Variants in CTNNA3 observed in about 807,000 individuals in gnomAD.
CTNNA3 encodes the protein catenin alpha 3, also known as catenin alpha-3.
In CTNNA3, 76 loss-of-function variants were observed where a neutral mutation model predicts 95.7. The observed-to-expected ratio is 0.79, with a 90% CI of 0.66 to 0.96. The LOEUF (loss-of-function observed/expected upper bound fraction) is 0.96. Ranked by LOEUF, CTNNA3 falls within the 40% of genes least tolerant of loss-of-function variation. The pLI is 0.00. For synonymous variants in CTNNA3, 431 were observed against 374.4 expected (o/e 1.15, Z -1.74); for missense variants, 1,191 against 1,089.8 (o/e 1.09, Z -1.31).
intron 11 of CTNNA3, among the ~76,000 whole-genome samples, chr10:66,508,287 G>T (rs770950896): frequency 1.3e-5 from 2 of 149,208 alleles, no homozygotes; most frequent in Admixed American, 6.7e-5. Context: ...CAGCCTGCAC[G>T]GTAGAGTGAG....
chr10:66,950,405 T>C (rs1187012334), intron 7 of CTNNA3, among the ~76,000 whole-genome samples: 2 of 152,096 alleles, frequency 1.3e-5, no homozygotes, highest in African/African-American at 4.8e-5. Context: ...TTTTGAGATA[T>C]ACTATATGTT....
intron 9 of CTNNA3, among the ~76,000 whole-genome samples, chr10:66,733,363 T>C: frequency 6.6e-6 from 1 of 152,168 alleles, no homozygotes; most frequent in South Asian, 2.1e-4. Context: ...TGGAAGCATA[T>C]TCCTTAATTT....
At chr10:67,301,647 AT>A (rs56799346) in intron 5 of CTNNA3, among the ~76,000 whole-genome samples, 1 of 152,166 alleles carries the variant, frequency 6.6e-6, no homozygotes, top group African/African-American at 2.4e-5. Context: ...ATATATATAT[AT>A]AAGGAATGCA....
chr10:67,560,868 A>G (rs1443642844), intron 3 of CTNNA3, among the ~76,000 whole-genome samples: 1 of 152,158 alleles, frequency 6.6e-6, no homozygotes, highest in East Asian at 1.9e-4. Flanking sequence ...CTTTAAATGA[A>G]AAAAGATCAA....
At chr10:67,531,174 A>C (rs1840313702) in intron 4 of CTNNA3, among the ~76,000 whole-genome samples, 1 of 152,174 alleles carries the variant, frequency 6.6e-6, no homozygotes, top group South Asian at 2.1e-4. Context: ...CAGAGTACCT[A>C]CTGGGGCACC....
chr10:67,638,105 C>T (rs370568630), intron 2 of CTNNA3, among the ~76,000 whole-genome samples: 11 of 151,606 alleles, frequency 7.3e-5, no homozygotes, highest in African/African-American at 2.4e-4. Context: ...CAGTGTGCTG[C>T]ATTCAGGAAA....
intron 13 of CTNNA3, among the ~76,000 whole-genome samples, chr10:66,109,893 G>T (rs1451286078): frequency 6.7e-6 from 1 of 150,150 alleles, no homozygotes; most frequent in African/African-American, 2.4e-5. Context: ...AAACTTGCTT[G>T]CAGCCTTTTT....
At chr10:67,476,102 C>T (rs897456539) in intron 5 of CTNNA3, among the ~76,000 whole-genome samples, 6 of 152,186 alleles carry the variant, frequency 3.9e-5, no homozygotes, top group African/African-American at 1.4e-4. Flanking sequence ...ATTTGCTACA[C>T]AAAGTTCATT....
chr10:66,321,630 T>G (rs2092187268), intron 12 of CTNNA3, among the ~76,000 whole-genome samples: 1 of 152,138 alleles, frequency 6.6e-6, no homozygotes, highest in Admixed American at 6.5e-5. Context: ...GGTAACTACT[T>G]AAATGCCAAG....
At chr10:66,350,126 G>A (rs1294598660) in intron 12 of CTNNA3, among the ~76,000 whole-genome samples, 23 of 152,090 alleles carry the variant, frequency 1.5e-4, no homozygotes, top group Non-Finnish European at 1.0e-4. Context: ...CATAAATTGG[G>A]TACTTTGTTG....
In CTNNA3 at chr10:66,943,519, CTT is replaced by C. The variant is rs34477836; in HGVS notation, c.1048-167997_1048-167996del. On this transcript the variant is annotated intron_variant, in intron 7 of 17. Transcript: ENST00000433211. ...TGATCCCAAATCCAATTCCCCCACC[CTT>C]TTTTTTTTTTTCAGTATTAGCATTG... Among the ~76,000 whole-genome samples, 302 of 141,396 alleles carry C rather than the reference CTT, an allele frequency of 2.1e-3. 1 individual carries two copies. The highest frequency in any genetic ancestry group is 7.3e-3 in the Middle Eastern group (2 of 274). 92.8% of individuals were successfully genotyped at this position (141,396 alleles called of 152,430 possible). A position where few individuals can be genotyped will look rare whatever the true frequency, so the allele number is the denominator to read the frequency against.
intron 1 of CTNNA3, among the ~76,000 whole-genome samples, chr10:67,721,359 T>G (rs1841178816): frequency 6.6e-6 from 1 of 152,124 alleles, no homozygotes; most frequent in Admixed American, 6.6e-5. Flanking sequence ...TCATTCCTTT[T>G]CATTTTTTTT....
In CTNNA3 at chr10:66,175,716, C is replaced by A. The variant is rs924165745; in HGVS notation, c.1885-72467G>T. Among the ~76,000 whole-genome samples the A allele has an allele frequency of 5.3e-5, 8 of 152,264 alleles. No individual in the cohort carries two copies. In the East Asian group the frequency reaches 1.5e-3, roughly 29 times the overall value. ...AGCTAATCTTTCTGCAGATTAATTTCCCTTCCAGGTGCTGGCCTTTAGACT... is the reference window on the plus strand; with the variant it reads ...AGCTAATCTTTCTGCAGATTAATTTACCTTCCAGGTGCTGGCCTTTAGACT... On this transcript the variant is annotated intron_variant, in intron 13 of 17. Transcript: ENST00000433211.
intron 10 of CTNNA3, among the ~76,000 whole-genome samples, chr10:66,620,483 A>G (rs1349281837): frequency 6.6e-6 from 1 of 152,222 alleles, no homozygotes; most frequent in African/African-American, 2.4e-5. Flanking sequence ...ATTAAAACCA[A>G]TGAGAGATAC....
upstream of CTNNA3, among the ~76,000 whole-genome samples, chr10:67,700,404 G>A (rs188342274): frequency 5.2e-3 from 788 of 152,252 alleles, 11 homozygotes; most frequent in African/African-American, 0.018. Flanking sequence ...CACCTCACAC[G>A]GCCAGGTACT....
intron 12 of CTNNA3, among the ~76,000 whole-genome samples, chr10:66,356,256 A>G (rs1239299789): frequency 6.6e-6 from 1 of 151,684 alleles, no homozygotes; most frequent in East Asian, 1.9e-4. Context: ...TGGTATTGTA[A>G]CAAGTTTATA....
chr10:67,751,042 TC>T, intron 1 of CTNNA3: 2 of 1,517,778 alleles, frequency 1.3e-6, no homozygotes. Flanking sequence ...CATTTCCATA[TC>T]CAGAGGAATG....
intron 13 of CTNNA3, among the ~76,000 whole-genome samples, chr10:66,108,066 G>T (rs972592787): frequency 6.6e-6 from 1 of 151,986 alleles, no homozygotes; most frequent in Admixed American, 6.6e-5. Flanking sequence ...TCCCAAGCAG[G>T]AGACTAACGT....
intron 3 of CTNNA3, among the ~76,000 whole-genome samples, chr10:67,563,403 A>G (rs952546542): frequency 2.8e-4 from 42 of 152,210 alleles, no homozygotes; most frequent in Non-Finnish European, 3.5e-4. Context: ...AGGATTCCCT[A>G]TTTAATAAAT....
Sources: allele counts gnomAD v4.1 joint callset (sites outside exome capture counted in the v4.1 genomes callset), GRCh38; gene constraint gnomAD v4.1.1; transcripts MANE v1.5; gene names NCBI Gene and HGNC (gene_info 2026-07-23, HGNC 2026-07-21).